The following ATP2B2 variants were observed in gnomAD, a reference collection of about 807,000 sequenced individuals.
ATP2B2 encodes ATPase plasma membrane Ca2+ transporting 2, also known as plasma membrane calcium-transporting ATPase 2.
Under a neutral mutation model 120.0 loss-of-function variants are expected in ATP2B2, and 15 were observed. The ratio of observed to expected loss-of-function variants is 0.12; its 90% CI spans 0.08 to 0.19. ATP2B2 has a LOEUF of 0.19. Among genes scored for constraint, ATP2B2 ranks in the 10% least tolerant of loss-of-function variants. ATP2B2 has a pLI of 1.00. For synonymous variants in ATP2B2, 694 were observed against 700.3 expected, an observed-to-expected ratio of 0.99 and a Z score of 0.14; for missense variants, 1,045 against 1,719.8, an observed-to-expected ratio of 0.61 and a Z score of 6.94.
chr3:10,384,129 G>A (rs550202128), intron 8 of ATP2B2, among the ~76,000 whole-genome samples: 7 of 152,348 alleles, frequency 4.6e-5, no homozygotes, highest in African/African-American at 1.4e-4. Flanking sequence ...GCCTTACTCA[G>A]CCCCGACACC....
chr3:10,391,135 T>A (rs1407806546), intron 5 of ATP2B2, among the ~76,000 whole-genome samples: 3 of 152,190 alleles, frequency 2.0e-5, no homozygotes, highest in Admixed American at 2.0e-4. Context: ...GAACACCTAC[T>A]GTGTGCAGGG....
intron 2 of ATP2B2, among the ~76,000 whole-genome samples, chr3:10,538,268 C>A (rs2067361066): frequency 6.6e-6 from 1 of 152,216 alleles, no homozygotes; most frequent in Middle Eastern, 3.4e-3. Context: ...CTGGTCCTGA[C>A]AGATTCACAG....
intron 22 of ATP2B2, among the ~76,000 whole-genome samples, chr3:10,333,715 C>G (rs1006481478): frequency 6.6e-6 from 1 of 152,096 alleles, no homozygotes; most frequent in African/African-American, 2.4e-5. Context: ...AGGGGGAATG[C>G]GAGATTCTCC....
Position 10,503,061 on chromosome 3 carries a change from T to C in ATP2B2, c.-320+2404A>G, listed in dbSNP as rs1040391892. Among the ~76,000 whole-genome samples, 16 of 152,286 alleles carry C rather than the reference T, an allele frequency of 1.1e-4. No individual in the cohort carries two copies. In the Middle Eastern group the frequency reaches 0.017, roughly 162 times the overall value. ...TGAATGCTAGCTGGATTACTATTAT[T>C]TACTTGGGTCCCCTGACCCATACCT... On this transcript the variant is annotated intron_variant, in intron 1 of 22. Transcript: ENST00000360273.
chr3:10,401,406 A>T (rs11710165), intron 4 of ATP2B2, among the ~76,000 whole-genome samples: 3 of 152,072 alleles, frequency 2.0e-5, no homozygotes, highest in East Asian at 3.9e-4. Context: ...CTGTAGTCTC[A>T]GTTATGGTTT....
intron 3 of ATP2B2, among the ~76,000 whole-genome samples, chr3:10,519,696 C>T (rs979095105): frequency 1.3e-5 from 2 of 152,190 alleles, no homozygotes; most frequent in African/African-American, 2.4e-5. Flanking sequence ...TGTTATAGTT[C>T]CAAAAGAAGA....
chr3:10,696,565 CCT>C (rs2071744933), intron 1 of ATP2B2, among the ~76,000 whole-genome samples: 1 of 152,196 alleles, frequency 6.6e-6, no homozygotes, highest in Non-Finnish European at 1.5e-5. Context: ...TCTGTAGCCT[CCT>C]CTGGCTCCTG....
At chr3:10,398,317 G>T (rs79613858) in intron 5 of ATP2B2, among the ~76,000 whole-genome samples, 28,056 of 152,184 alleles carry the variant, frequency 0.18, 3,126 homozygotes, top group East Asian at 0.39. Flanking sequence ...GGAGACCTTG[G>T]CTGATGTCTC....
chr3:10,394,245 A>G lies in ATP2B2; in HGVS notation c.782-5843T>C, dbSNP rs150571919. On this transcript the variant is annotated intron_variant, in intron 5 of 22. Transcript: ENST00000360273. ...TATCTGCCTCCAGGCACAAGCACTAAACAAAGCCAAAACGATTCCCAGCCC... is the reference window on the plus strand; with the variant it reads ...TATCTGCCTCCAGGCACAAGCACTAGACAAAGCCAAAACGATTCCCAGCCC... 1.9e-3 allele frequency among the ~76,000 whole-genome samples: 286 copies of G among 152,182 alleles called. 1 individual carries two copies. The highest frequency in any genetic ancestry group is 6.5e-3 in the African/African-American group (271 of 41,524).
intron 1 of ATP2B2, among the ~76,000 whole-genome samples, chr3:10,490,218 A>G (rs1417109045): frequency 6.6e-6 from 1 of 152,214 alleles, no homozygotes; most frequent in Non-Finnish European, 1.5e-5. Flanking sequence ...CCATGGTCTG[A>G]GTCCTAGTGC....
chr3:10,485,375 G>A (rs549201465), intron 1 of ATP2B2, among the ~76,000 whole-genome samples: 46 of 152,338 alleles, frequency 3.0e-4, no homozygotes, highest in African/African-American at 1.1e-3. Context: ...GCTCTGTGCT[G>A]GGCGAGGGCA....
intron 2 of ATP2B2, among the ~76,000 whole-genome samples, chr3:10,568,836 T>C (rs1267495955): frequency 1.3e-5 from 2 of 152,208 alleles, no homozygotes; most frequent in African/African-American, 2.4e-5. Flanking sequence ...GGCTGTCACA[T>C]AGCCTCGGTC....
At chr3:10,361,725 G>C (rs959680188) in intron 12 of ATP2B2, among the ~76,000 whole-genome samples, 4 of 152,180 alleles carry the variant, frequency 2.6e-5, no homozygotes, top group Non-Finnish European at 5.9e-5. Context: ...GTCCTTTAAG[G>C]ACCAGCTCAA....
intron 2 of ATP2B2, among the ~76,000 whole-genome samples, chr3:10,563,364 G>A (rs6803184): frequency 0.37 from 55,939 of 152,110 alleles, 10,581 homozygotes; most frequent in South Asian, 0.47. Context: ...CAACTCTTCC[G>A]CACTAACTCC....
chr3:10,468,886 A>C (rs2064865676), intron 1 of ATP2B2, among the ~76,000 whole-genome samples: 1 of 152,264 alleles, frequency 6.6e-6, no homozygotes, highest in East Asian at 1.9e-4. Context: ...AGAGACTGAA[A>C]ACTGACAAAG....
At chr3:10,525,507 T>C (rs747298073) in intron 3 of ATP2B2, among the ~76,000 whole-genome samples, 10 of 152,320 alleles carry the variant, frequency 6.6e-5, no homozygotes, top group Non-Finnish European at 1.2e-4. Context: ...TGAATCAATA[T>C]TGATATGTTG....
intron 1 of ATP2B2, among the ~76,000 whole-genome samples, chr3:10,484,183 G>A (rs1254151821): frequency 6.6e-6 from 1 of 152,150 alleles, no homozygotes; most frequent in East Asian, 1.9e-4. Context: ...GAGTCCAGGA[G>A]GGGTGCAGAA....
At chr3:10,610,189 G>A (rs1326705021) in intron 2 of ATP2B2, among the ~76,000 whole-genome samples, 1 of 151,284 alleles carries the variant, frequency 6.6e-6, no homozygotes. Flanking sequence ...GTGTGTGTGT[G>A]TAAAATTTTT....
intron 5 of ATP2B2, among the ~76,000 whole-genome samples, chr3:10,391,154 G>T (rs543440263): frequency 6.6e-6 from 1 of 152,286 alleles, no homozygotes; most frequent in East Asian, 1.9e-4. Flanking sequence ...GGCACATGCT[G>T]CCCTCCACGC....
Sources: gnomAD v4.1 joint callset for allele counts (sites outside exome capture counted in the v4.1 genomes callset) on GRCh38, gnomAD v4.1.1 for gene constraint, MANE v1.5 for transcripts, NCBI Gene and HGNC (gene_info 2026-07-23, HGNC 2026-07-21) for gene names.